Variants in FBXW8 observed in about 807,000 individuals in gnomAD.
The protein encoded by FBXW8 is F-box/WD repeat-containing protein 8.
Under a neutral mutation model 65.3 loss-of-function variants are expected in FBXW8, and 57 were observed. That is an observed-to-expected ratio of 0.87 (90% CI 0.71 to 1.09). FBXW8 has a LOEUF of 1.09. FBXW8 is among the 50% of genes least tolerant of loss of function. The pLI, the probability that FBXW8 is intolerant of heterozygous loss-of-function variation, is 0.00. For missense variants in FBXW8, 777 were observed against 814.8 expected (o/e 0.95, Z 0.57); for synonymous variants, 308 against 330.2 (o/e 0.93, Z 0.73).
At chr12:116,964,941 C>T in intron 5 of FBXW8, 87 bp downstream of exon 5, 2 of 1,357,462 alleles carry the variant, frequency 1.5e-6, no homozygotes, top group Non-Finnish European at 2.0e-6. Flanking sequence ...CCCCTGTAAT[C>T]CCTCCATATG....
chr12:117,001,727 T>C (rs1953526343), intron 7 of FBXW8, among the ~76,000 whole-genome samples: 1 of 151,754 alleles, frequency 6.6e-6, no homozygotes, highest in Non-Finnish European at 1.5e-5. Flanking sequence ...TGAAGGAGGG[T>C]GTAAGGATTT....
chr12:116,912,002 C>T (rs933447682), intron 1 of FBXW8, among the ~76,000 whole-genome samples: 3 of 151,934 alleles, frequency 2.0e-5, no homozygotes, highest in East Asian at 3.9e-4. Flanking sequence ...ACCCTGTGTC[C>T]GTTAAAAATA....
Position 116,961,294 on chromosome 12 carries a change from C to T in FBXW8, c.678-3403C>T, listed in dbSNP as rs967400718. ...GATTACAGGCATGAGCCACCGTGCCCGGCCTGTATCTGCACTTTTTAAAGC... is the reference window on the plus strand; with the variant it reads ...GATTACAGGCATGAGCCACCGTGCCTGGCCTGTATCTGCACTTTTTAAAGC... On this transcript the variant is annotated intron_variant, in intron 4 of 10. Transcript: ENST00000652555. This position sits in a 1 kb window ranked among gnomAD's most constrained non-coding sequence, Gnocchi z 4.4. Among the ~76,000 whole-genome samples the T allele has an allele frequency of 1.3e-5, 2 of 152,204 alleles. No individual in the cohort carries two copies. The highest frequency in any genetic ancestry group is 2.4e-5 in the African/African-American group (1 of 41,446).
chr12:117,018,778 G>T (rs550008794), intron 8 of FBXW8, among the ~76,000 whole-genome samples: 3 of 152,244 alleles, frequency 2.0e-5, no homozygotes, highest in Non-Finnish European at 4.4e-5. Context: ...ATCCATGCTG[G>T]TATCTAAATA....
chr12:117,026,868 A>G (rs181262527), intron 9 of FBXW8, among the ~76,000 whole-genome samples: 27 of 152,334 alleles, frequency 1.8e-4, no homozygotes, highest in Non-Finnish European at 3.2e-4. Flanking sequence ...ACCTCTGTTC[A>G]AGAGACTTGG....
chr12:116,958,766 G>A (rs944210870), intron 4 of FBXW8, among the ~76,000 whole-genome samples: 1 of 152,166 alleles, frequency 6.6e-6, no homozygotes. Context: ...ACTTGGCCAG[G>A]TGGAGTTTTA....
intron 1 of FBXW8, among the ~76,000 whole-genome samples, chr12:116,912,157 C>A (rs1165784780): frequency 1.5e-5 from 2 of 137,704 alleles, no homozygotes; most frequent in Non-Finnish European, 3.1e-5. Flanking sequence ...TGGGAACCCA[C>A]TTTTTTTTTT....
At chr12:117,014,244 G>GA (rs1953894917) in intron 8 of FBXW8, among the ~76,000 whole-genome samples, 1 of 151,804 alleles carries the variant, frequency 6.6e-6, no homozygotes, top group Non-Finnish European at 1.5e-5. Context: ...TTTTATTTCA[G>GA]ATTTCATATT....
chr12:117,027,505 G>T lies in FBXW8; in HGVS notation c.1652+1G>T. 1 of 1,612,892 alleles carries T rather than the reference G, an allele frequency of 6.2e-7. No individual in the cohort carries two copies. Among genetic ancestry groups the T allele is most frequent in the Non-Finnish European group, 8.5e-7 (1 of 1,178,870 alleles). ...TGGACAGCTTCACTACTCACAGGAG[G>T]TTAGTGGTGGGGCCGGGCGAGTAAG... On this transcript the variant is annotated splice_donor_variant, in intron 10 of 10. Coordinates refer to ENST00000652555, the MANE Select transcript of FBXW8 (RefSeq NM_153348.3). LOFTEE classifies it high-confidence loss of function.
At chr12:116,949,822 T>C in intron 4 of FBXW8, 116 bp downstream of exon 4, 1 of 916,748 alleles carries the variant, frequency 1.1e-6, no homozygotes, top group Non-Finnish European at 1.8e-6. Context: ...CCTCCCTCAG[T>C]TACAGCCCAT....
intron 7 of FBXW8, among the ~76,000 whole-genome samples, chr12:116,994,175 G>A (rs947708617): frequency 6.6e-6 from 1 of 152,134 alleles, no homozygotes; most frequent in Non-Finnish European, 1.5e-5. Context: ...GATATGTATT[G>A]GTACTGGTGT....
In FBXW8 at chr12:117,028,264, A is replaced by G; in HGVS notation, c.*92A>G. On this transcript the variant is annotated 3_prime_UTR_variant, in exon 11 of 11. Coordinates refer to ENST00000652555, the MANE Select transcript of FBXW8 (RefSeq NM_153348.3). This position sits in a 1 kb window ranked among gnomAD's most constrained non-coding sequence, Gnocchi z 4.1. ...AGGCACCTCTTCACAGGTGGTAAAC[A>G]TTTAGGGGAAGAAAGCAGCCCAGGG... 3 of 1,493,714 alleles carry G rather than the reference A, an allele frequency of 2.0e-6. No homozygotes were observed. Among genetic ancestry groups the G allele is most frequent in the Non-Finnish European group, 2.7e-6 (3 of 1,103,066 alleles). The allele number at this position is 1,493,714 out of a possible 1,614,324, so 92.5% of individuals were successfully genotyped here. A position where few individuals can be genotyped will look rare whatever the true frequency, so the allele number is the denominator to read the frequency against.
At chr12:116,976,601 A>G (rs1017517286) in intron 5 of FBXW8, among the ~76,000 whole-genome samples, 1 of 149,454 alleles carries the variant, frequency 6.7e-6, no homozygotes, top group Non-Finnish European at 1.5e-5. Flanking sequence ...GATTACAGGC[A>G]TGCACCACCA....
chr12:116,935,235 T>C (rs1882072535), intron 2 of FBXW8, among the ~76,000 whole-genome samples: 1 of 152,060 alleles, frequency 6.6e-6, no homozygotes, highest in Admixed American at 6.5e-5. Context: ...GACAGCAAAA[T>C]AAATAAGTAA....
At chr12:117,023,521 T>C (rs886535246) in intron 8 of FBXW8, among the ~76,000 whole-genome samples, 7 of 152,130 alleles carry the variant, frequency 4.6e-5, no homozygotes, top group Admixed American at 1.3e-4. Flanking sequence ...TAAAAAGTAG[T>C]TTTTAAAGAG....
intron 1 of FBXW8, among the ~76,000 whole-genome samples, chr12:116,914,474 G>A (rs1311828444): frequency 1.3e-5 from 2 of 150,002 alleles, no homozygotes; most frequent in East Asian, 4.0e-4. Context: ...CTGGGAGGCT[G>A]ATGTGGGAGG....
chr12:116,937,287 T>C (rs1051606166), intron 2 of FBXW8, among the ~76,000 whole-genome samples: 7 of 152,158 alleles, frequency 4.6e-5, no homozygotes, highest in Middle Eastern at 3.4e-3. Flanking sequence ...AGATGGAAAT[T>C]TGGAAGCTGT....
intron 4 of FBXW8, among the ~76,000 whole-genome samples, chr12:116,963,853 C>G (rs1884142958): frequency 6.6e-6 from 1 of 152,208 alleles, no homozygotes. Flanking sequence ...TTTCTCACCA[C>G]TTTTCCCCCC....
intron 8 of FBXW8, among the ~76,000 whole-genome samples, chr12:117,013,097 G>C (rs1050728600): frequency 1.3e-5 from 2 of 152,116 alleles, no homozygotes; most frequent in African/African-American, 4.8e-5. Flanking sequence ...ACAAAAATTA[G>C]CCACGCATGG....
Sources: gnomAD v4.1 joint callset for allele counts (sites outside exome capture counted in the v4.1 genomes callset) on GRCh38, gnomAD v4.1.1 for gene constraint, Gnocchi (gnomAD v3.1) non-coding constraint, MANE v1.5 for transcripts, NCBI Gene and HGNC (gene_info 2026-07-23, HGNC 2026-07-21) for gene names.